The following R3HDM2 variants were observed in gnomAD, a reference collection of about 807,000 sequenced individuals.
R3HDM2 encodes R3H domain-containing protein 2.
R3HDM2 carries 38 observed loss-of-function variants against 124.5 expected under a neutral mutation model. That is an observed-to-expected ratio of 0.31 (90% CI 0.24 to 0.40). The LOEUF (loss-of-function observed/expected upper bound fraction) is 0.40, where lower values mean the gene tolerates loss of function less well. Ranked by LOEUF, R3HDM2 falls within the 10% of genes least tolerant of loss-of-function variation. The pLI is 1.00. For missense variants in R3HDM2, 869 were observed against 1,236.9 expected (o/e 0.70, Z 4.46); for synonymous variants, 391 against 448.0 (o/e 0.87, Z 1.61).
intron 2 of R3HDM2, among the ~76,000 whole-genome samples, chr12:57,360,038 T>TACAC (rs1555287261): frequency 4.5e-5 from 4 of 88,150 alleles, no homozygotes; most frequent in African/African-American, 1.2e-4. Flanking sequence ...CATATATATA[T>TACAC]ATATATATAT....
chr12:57,319,341 T>TC, intron 2 of R3HDM2, among the ~76,000 whole-genome samples: 1 of 152,258 alleles, frequency 6.6e-6, no homozygotes, highest in Non-Finnish European at 1.5e-5. Context: ...CAGCCTTAGC[T>TC]CCATTTTTCT....
intron 2 of R3HDM2, among the ~76,000 whole-genome samples, chr12:57,383,401 GAATT>G (rs746481971): frequency 1.1e-4 from 17 of 152,030 alleles, no homozygotes; most frequent in Non-Finnish European, 2.4e-4. Context: ...AAATCTGGAA[GAATT>G]AATAATAATG....
intron 2 of R3HDM2, 96 bp from the exon 3 acceptor site, chr12:57,310,559 G>T: frequency 5.1e-6 from 3 of 593,420 alleles, no homozygotes; most frequent in Non-Finnish European, 7.4e-6. Context: ...TTTTCCAGCA[G>T]CCTTCCTTTA....
chr12:57,383,664 T>C (rs1326635418), intron 2 of R3HDM2, among the ~76,000 whole-genome samples: 1 of 151,880 alleles, frequency 6.6e-6, no homozygotes, highest in Admixed American at 6.6e-5. Flanking sequence ...GCCGAGATCA[T>C]GCACTCCAGC....
At chr12:57,425,517 A>G (rs1485706073) in intron 1 of R3HDM2, among the ~76,000 whole-genome samples, 1 of 152,038 alleles carries the variant, frequency 6.6e-6, no homozygotes, top group East Asian at 1.9e-4. Flanking sequence ...AGCACACTTC[A>G]GGCCGGGCGT....
At chr12:57,382,496 C>T (rs1189639685) in intron 2 of R3HDM2, among the ~76,000 whole-genome samples, 1 of 149,712 alleles carries the variant, frequency 6.7e-6, no homozygotes, top group Admixed American at 6.7e-5. Context: ...ATCTGCCTGC[C>T]TCAGCCTCTC....
intron 13 of R3HDM2, 24 bp downstream of exon 13, chr12:57,283,800 A>G: frequency 6.2e-7 from 1 of 1,606,746 alleles, no homozygotes. Flanking sequence ...TGGGTATGAC[A>G]TGGAAGAAAA....
chr12:57,324,805 C>T (rs1045652129), intron 2 of R3HDM2, among the ~76,000 whole-genome samples: 4 of 152,166 alleles, frequency 2.6e-5, no homozygotes, highest in Non-Finnish European at 5.9e-5. Context: ...GTCCCCCACC[C>T]AGTTCCCGTG....
At chr12:57,264,729 C>T (rs1489135735) in intron 19 of R3HDM2, among the ~76,000 whole-genome samples, 1 of 151,606 alleles carries the variant, frequency 6.6e-6, no homozygotes, top group Admixed American at 6.6e-5. Context: ...AACACCTGGG[C>T]TCAAGTGATC....
At chr12:57,321,354 C>T (rs905867208) in intron 2 of R3HDM2, among the ~76,000 whole-genome samples, 1 of 152,106 alleles carries the variant, frequency 6.6e-6, no homozygotes, top group Non-Finnish European at 1.5e-5. Context: ...CTGAGACACA[C>T]AAAAACATGG....
intron 2 of R3HDM2, among the ~76,000 whole-genome samples, chr12:57,355,001 G>GT (rs2061102152): frequency 1.3e-5 from 2 of 151,346 alleles, no homozygotes; most frequent in Non-Finnish European, 3.0e-5. Flanking sequence ...GTTTTGTTTT[G>GT]TTTGTTTGTT....
At chr12:57,386,523 C>G (rs1468583732) in intron 2 of R3HDM2, among the ~76,000 whole-genome samples, 3 of 152,368 alleles carry the variant, frequency 2.0e-5, no homozygotes, top group East Asian at 3.9e-4. Flanking sequence ...GGCTTGGGAC[C>G]TGCAGCCCGC....
chr12:57,364,456 C>T (rs575046759), intron 2 of R3HDM2, among the ~76,000 whole-genome samples: 1 of 152,050 alleles, frequency 6.6e-6, no homozygotes, highest in East Asian at 1.9e-4. Context: ...AGCCTACAGG[C>T]TGGGTGTCTT....
chr12:57,359,209 G>C (rs916393313), intron 2 of R3HDM2, among the ~76,000 whole-genome samples: 1 of 151,950 alleles, frequency 6.6e-6, no homozygotes, highest in South Asian at 2.1e-4. Context: ...GAACCACCGC[G>C]CCCAGTCCCC....
At chr12:57,381,544 C>CAAAAAA in intron 2 of R3HDM2, among the ~76,000 whole-genome samples, 1 of 76,600 alleles carries the variant, frequency 1.3e-5, no homozygotes, top group Admixed American at 1.4e-4. Context: ...GACTCCATCT[C>CAAAAAA]AAAAAAAAAA....
intron 1 of R3HDM2, among the ~76,000 whole-genome samples, chr12:57,425,244 C>T (rs1398792301): frequency 1.3e-5 from 2 of 151,566 alleles, no homozygotes; most frequent in East Asian, 3.9e-4. Flanking sequence ...TGCACTCCAA[C>T]CTGGGCAACA....
rs772547910 is a variant in R3HDM2, at chr12:57,280,548, C to A, written c.1172-18G>T. The A allele has an allele frequency of 3.8e-6, 6 of 1,573,676 alleles. No homozygotes were observed. The South Asian group carries it at 6.9e-5, about 18-fold the overall frequency. Reference sequence around the variant, plus strand: ...TGCCATACCTAAGGCAAAGAAGAAACCCACAAAAAGTTGTAAGCATAAGCC... The same window carrying A: ...TGCCATACCTAAGGCAAAGAAGAAAACCACAAAAAGTTGTAAGCATAAGCC... On this transcript the variant is annotated intron_variant, in intron 13 of 23. Transcript: ENST00000402412.
intron 14 of R3HDM2, among the ~76,000 whole-genome samples, chr12:57,274,207 C>T (rs2044191802): frequency 6.6e-6 from 1 of 152,058 alleles, no homozygotes; most frequent in African/African-American, 2.4e-5. Flanking sequence ...AAATGGCTGC[C>T]TGCAGTGGCT....
intron 10 of R3HDM2, 59 bp downstream of exon 10, chr12:57,295,340 C>T (rs2049541125): frequency 1.7e-6 from 2 of 1,198,158 alleles, no homozygotes; most frequent in East Asian, 2.5e-5. Context: ...ATTCTTCTCC[C>T]TTCCCAGTTT....
Sources: gnomAD v4.1 joint callset for allele counts (sites outside exome capture counted in the v4.1 genomes callset) on GRCh38, gnomAD v4.1.1 for gene constraint, MANE v1.5 for transcripts, NCBI Gene and HGNC (gene_info 2026-07-23, HGNC 2026-07-21) for gene names.